LPAR2: variants seen among roughly 807,000 people sequenced by gnomAD.
LPAR2 encodes lysophosphatidic acid receptor 2, also known as G protein-coupled receptor.
A neutral mutation model predicts 15.6 loss-of-function variants in LPAR2; 10 were observed. That is an observed-to-expected ratio of 0.64 (90% CI 0.39 to 1.09). LPAR2 has a LOEUF of 1.09. LPAR2 is among the 50% of genes least tolerant of loss of function. The probability of loss-of-function intolerance (pLI) is 0.01; values close to 1 mark genes in which losing one functional copy is unlikely to be tolerated. For synonymous variants in LPAR2, 204 were observed against 207.4 expected (o/e 0.98, Z 0.14); for missense variants, 413 against 484.6 (o/e 0.85, Z 1.39).
At chr19:19,624,666 A>T (rs2061731444) in intron 2 of LPAR2, 97 bp from the exon 3 acceptor site, 1 of 975,426 alleles carries the variant, frequency 1.0e-6, no homozygotes. Flanking sequence ...GAGCTCGAGC[A>T]ATAGTGGTGA....
In LPAR2 at chr19:19,627,186, C is replaced by T; in HGVS notation, c.99G>A (p.Val33=). 6.2e-7 allele frequency: 1 copy of T among 1,613,158 alleles called. No homozygotes were observed. The highest frequency in any genetic ancestry group is 8.5e-7 in the Non-Finnish European group (1 of 1,180,018). The change falls in exon 2 of 3, where the codon GTG becomes GTA. Residue 33 remains valine, a synonymous_variant. Transcript: ENST00000407877. This position sits in a 1 kb window ranked among gnomAD's most constrained non-coding sequence, Gnocchi z 4.7. ...CGGTCAGCCCCAGTGCCACCACGAC[C>T]ACATCCTTGGGCCGCCAGTGGGAGC...
chr19:19,625,998 C>G (rs1327823346), intron 2 of LPAR2, among the ~76,000 whole-genome samples: 2 of 151,128 alleles, frequency 1.3e-5, no homozygotes, highest in Non-Finnish European at 2.9e-5. Flanking sequence ...ATTCTCCTGC[C>G]TCAGGCTCCC....
Position 19,626,690 on chromosome 19 carries a change from G to A in LPAR2, c.595C>T (p.Leu199Phe), listed in dbSNP as rs2061741942. 6.2e-7 allele frequency: 1 copy of A among 1,613,670 alleles called. No homozygotes were observed. Among genetic ancestry groups the A allele is most frequent in the South Asian group, 1.1e-5 (1 of 91,086 alleles). The change falls in exon 2 of 3, where the codon CTT (leucine) becomes TTT (phenylalanine). Residue 199 changes from leucine to phenylalanine, a missense_variant. Coordinates refer to ENST00000407877, the MANE Select transcript of LPAR2 (RefSeq NM_004720.7). The surrounding 1 kb of genome is among the most constrained non-coding windows in gnomAD (Gnocchi z 5.3). ...ACAGCCACCATGAGCAGGAAGACAAGCAGGCTCGACAGAGCCCAGACGGCC... is the reference window on the plus strand; with the variant it reads ...ACAGCCACCATGAGCAGGAAGACAAACAGGCTCGACAGAGCCCAGACGGCC...
rs781461179 is a variant in LPAR2 at position 19,624,526 on chromosome 19, G to T, written c.786C>A (p.Leu262=). 2 of 1,612,848 alleles carry T rather than the reference G, an allele frequency of 1.2e-6. No homozygotes were observed. The highest frequency in any genetic ancestry group is 8.5e-7 in the Non-Finnish European group (1 of 1,179,216). The change falls in exon 3 of 3, where the codon CTC becomes CTA. Residue 262 remains leucine (L), a synonymous_variant. Transcript: ENST00000407877. The stretch of plus-strand genomic sequence containing the variant: ...AGGACTCACAGCCTAAACCATCCAG[G>T]AGCAGTACCACCTGGCCTGGTGTCC...
chr19:19,627,387 A>C lies in LPAR2; in HGVS notation c.1-103T>G. 1 of 1,205,332 alleles carries C rather than the reference A, an allele frequency of 8.3e-7. No individual in the cohort carries two copies. The highest frequency in any genetic ancestry group is 1.2e-6 in the Non-Finnish European group (1 of 857,680). The allele number at this position is 1,205,332 out of a possible 1,614,324, so 74.7% of individuals were successfully genotyped here. On this transcript the variant is annotated intron_variant, in intron 1 of 2. Transcript: ENST00000407877. This position sits in a 1 kb window ranked among gnomAD's most constrained non-coding sequence, Gnocchi z 4.7. Reference sequence around the variant, plus strand: ...AGCGCAGGAAGGACAAGGGTCTCAAATTCAGATACCTCGAAGCAAAGTGGC... The same window carrying C: ...AGCGCAGGAAGGACAAGGGTCTCAACTTCAGATACCTCGAAGCAAAGTGGC...
rs369866036 is a variant in LPAR2, at chr19:19,624,103, G to C, written c.*153C>G. Reference sequence around the variant, plus strand: ...GCCCCCATTCCCTGGGCAGAGTGGTGTGCCTGGGGAGGCCTGGCAGTGGTG... The same window carrying C: ...GCCCCCATTCCCTGGGCAGAGTGGTCTGCCTGGGGAGGCCTGGCAGTGGTG... On this transcript the variant is annotated 3_prime_UTR_variant, in exon 3 of 3. Coordinates refer to ENST00000407877, the MANE Select transcript of LPAR2 (RefSeq NM_004720.7). 2.7e-6 allele frequency: 2 copies of C among 752,192 alleles called. No individual in the cohort carries two copies. The allele number at this position is 752,192 out of a possible 1,614,324, so 46.6% of individuals were successfully genotyped here.
Position 19,624,083 on chromosome 19 carries a change from C to T in LPAR2, c.*173G>A. 1.5e-6 allele frequency: 1 copy of T among 683,684 alleles called. No homozygotes were observed. Among genetic ancestry groups the T allele is most frequent in the East Asian group, 2.5e-5 (1 of 39,872 alleles). The allele number at this position is 683,684 out of a possible 1,614,324, so 42.4% of individuals were successfully genotyped here. A position where few individuals can be genotyped will look rare whatever the true frequency, so the allele number is the denominator to read the frequency against. Reference sequence around the variant, plus strand: ...GCAGTGGGAGATGACCCAAAGCCCCCATTCCCTGGGCAGAGTGGTGTGCCT... The same window carrying T: ...GCAGTGGGAGATGACCCAAAGCCCCTATTCCCTGGGCAGAGTGGTGTGCCT... On this transcript the variant is annotated 3_prime_UTR_variant, in exon 3 of 3. Coordinates refer to ENST00000407877, the MANE Select transcript of LPAR2 (RefSeq NM_004720.7).
Position 19,626,631 on chromosome 19 carries a change from T to C in LPAR2, c.654A>G (p.Arg218=). The change falls in exon 2 of 3, where the codon CGA becomes CGG. Residue 218 remains arginine (R), a synonymous_variant. Coordinates refer to ENST00000407877, the MANE Select transcript of LPAR2 (RefSeq NM_004720.7). The surrounding 1 kb of genome is among the most constrained non-coding windows in gnomAD (Gnocchi z 5.3). ...TGACATGCTCTGCCATGCGCTGCACTCGCCGCCGCACGTAGAAGAAAATGC... is the reference window on the plus strand; with the variant it reads ...TGACATGCTCTGCCATGCGCTGCACCCGCCGCCGCACGTAGAAGAAAATGC... 6.2e-7 allele frequency: 1 copy of C among 1,613,304 alleles called. No homozygotes were observed. Among genetic ancestry groups the C allele is most frequent in the Non-Finnish European group, 8.5e-7 (1 of 1,180,026 alleles).
intron 2 of LPAR2, 66 bp from the exon 3 acceptor site, chr19:19,624,635 T>C (rs2061731327): frequency 1.4e-6 from 2 of 1,414,408 alleles, no homozygotes; most frequent in Admixed American, 2.0e-5. Context: ...AGCTCTCAGT[T>C]TGGGGTTGGA....
rs566872153 is a variant in LPAR2, at chr19:19,627,984, G to A, written c.-1+108C>T. The A allele has an allele frequency of 2.0e-5, 3 of 152,842 alleles. No individual in the cohort carries two copies. The highest frequency in any genetic ancestry group is 4.8e-5 in the African/African-American group (2 of 41,588). 9.5% of individuals were successfully genotyped at this position (152,842 alleles called of 1,614,324 possible). A position where few individuals can be genotyped will look rare whatever the true frequency, so the allele number is the denominator to read the frequency against. ...GCGTCTCCAGACTGGGGAAGGGGTA[G>A]GGGGTTAAGGGATCAGAGGGCGGCG... On this transcript the variant is annotated intron_variant, in intron 1 of 2. Coordinates refer to ENST00000407877, the MANE Select transcript of LPAR2 (RefSeq NM_004720.7). The surrounding 1 kb of genome is among the most constrained non-coding windows in gnomAD (Gnocchi z 4.7).
intron 2 of LPAR2, 147 bp from the exon 3 acceptor site, chr19:19,624,716 A>G (rs2144814102): frequency 1.5e-6 from 1 of 656,210 alleles, no homozygotes; most frequent in East Asian, 2.7e-5. Context: ...CTGATTCTGC[A>G]GTGTGACAGG....
In LPAR2 at chr19:19,627,018, C is replaced by A. The variant is rs2061744538; in HGVS notation, c.267G>T (p.Met89Ile). The stretch of plus-strand genomic sequence containing the variant: ...GGGCTGTGCGGGGACCAGTGTGGAA[C>A]ATGAGGAAGAGGTAGGCCACGCCCG... Residue 89 changes from methionine to isoleucine, a missense_variant, in exon 2 of 3, where the codon ATG becomes ATT. By Grantham distance (10) the Met-to-Ile change is conservative. Transcript: ENST00000407877. This position sits in a 1 kb window ranked among gnomAD's most constrained non-coding sequence, Gnocchi z 4.7. 1 of 1,613,706 alleles carries A rather than the reference C, an allele frequency of 6.2e-7. No individual in the cohort carries two copies. Among genetic ancestry groups the A allele is most frequent in the Admixed American group, 1.7e-5 (1 of 59,988 alleles).
chr19:19,627,622 G>A lies in LPAR2; in HGVS notation c.1-338C>T. On this transcript the variant is annotated intron_variant, in intron 1 of 2. Transcript: ENST00000407877. The surrounding 1 kb of genome is among the most constrained non-coding windows in gnomAD (Gnocchi z 4.7). ...ATGTGTGACCCGGTTTGGGTTGTGG[G>A]GAGAGGAGGGTTAGGGAAAGACAAA... The A allele has an allele frequency of 3.0e-6, 1 of 330,228 alleles. No individual in the cohort carries two copies. Among genetic ancestry groups the A allele is most frequent in the Non-Finnish European group, 5.8e-6 (1 of 173,246 alleles). 20.5% of individuals were successfully genotyped at this position (330,228 alleles called of 1,614,324 possible).
chr19:19,624,828 TGTGTGA>T (rs939660545), intron 2 of LPAR2, among the ~76,000 whole-genome samples: 15 of 131,116 alleles, frequency 1.1e-4, no homozygotes, highest in African/African-American at 1.6e-4. Flanking sequence ...TGTGTGTGTG[TGTGTGA>T]GATGGAGTCT....
rs773232863 is a variant in LPAR2, at chr19:19,626,910, G to A, written c.375C>T (p.Ile125=). Residue 125 remains isoleucine, a synonymous_variant, in exon 2 of 3, where the codon ATC becomes ATT. Transcript: ENST00000407877. The surrounding 1 kb of genome is among the most constrained non-coding windows in gnomAD (Gnocchi z 5.3). ...TCACACTGCGGTGCCGCTCCACGGC[G>A]ATGGCCAGCAGTGTGGCCACCGACG... 2.5e-6 allele frequency: 4 copies of A among 1,602,910 alleles called. No individual in the cohort carries two copies. Among genetic ancestry groups the A allele is most frequent in the East Asian group, 2.3e-5 (1 of 44,070 alleles).
In LPAR2 at chr19:19,624,516, A is replaced by C. The variant is rs751863453; in HGVS notation, c.796T>G (p.Leu266Val). The C allele has an allele frequency of 1.2e-6, 2 of 1,613,748 alleles. No individual in the cohort carries two copies. Among genetic ancestry groups the C allele is most frequent in the Admixed American group, 3.3e-5 (2 of 60,006 alleles). ...AGGACATTGCAGGACTCACAGCCTA[A>C]ACCATCCAGGAGCAGTACCACCTGG... The change falls in exon 3 of 3, where the codon TTA becomes GTA. Residue 266 changes from leucine to valine, a missense_variant. Physicochemically the swap from Leu to Val is conservative, Grantham distance 32. Coordinates refer to ENST00000407877, the MANE Select transcript of LPAR2 (RefSeq NM_004720.7).
At position 19,624,425 on chromosome 19, in the gene LPAR2, G is replaced by C; in HGVS notation, c.887C>G (p.Ser296Cys). 1.2e-6 allele frequency: 2 copies of C among 1,614,194 alleles called. No homozygotes were observed. The highest frequency in any genetic ancestry group is 1.7e-6 in the Non-Finnish European group (2 of 1,180,038). Residue 296 changes from serine (S) to cysteine (C), a missense_variant, in exon 3 of 3, where the codon TCT becomes TGT. Ser to Cys is a moderately radical substitution (Grantham distance 112). Transcript: ENST00000407877. ...GCGGCGCATCTCAGCATCTCGGCAA[G>C]AGTACACAGCAGCATTGACCAGGGA... is the stretch of plus-strand genomic sequence containing the variant.
Position 19,626,700 on chromosome 19 carries a change from C to T in LPAR2, c.585G>A (p.Leu195=). The T allele has an allele frequency of 1.2e-6, 2 of 1,613,668 alleles. No individual in the cohort carries two copies. The highest frequency in any genetic ancestry group is 2.2e-5 in the East Asian group (1 of 44,878). The change falls in exon 2 of 3, where the codon CTG becomes CTA. Residue 195 remains leucine, a synonymous_variant. Transcript: ENST00000407877. The surrounding 1 kb of genome is among the most constrained non-coding windows in gnomAD (Gnocchi z 5.3). Reference sequence around the variant, plus strand: ...TGAGCAGGAAGACAAGCAGGCTCGACAGAGCCCAGACGGCCAAATAGGAGC... The same window carrying T: ...TGAGCAGGAAGACAAGCAGGCTCGATAGAGCCCAGACGGCCAAATAGGAGC...
At position 19,626,412 on chromosome 19, in the gene LPAR2, G is replaced by A. The variant is rs2061739984; in HGVS notation, c.742+131C>T. ...GCTCACATACATTATCACCTCCTTG[G>A]AGGACATTCCCCACCTAAATCATCC... On this transcript the variant is annotated intron_variant, in intron 2 of 2. Transcript: ENST00000407877. This position sits in a 1 kb window ranked among gnomAD's most constrained non-coding sequence, Gnocchi z 5.3. The A allele has an allele frequency of 1.7e-6, 2 of 1,164,070 alleles. No homozygotes were observed. Among genetic ancestry groups the A allele is most frequent in the Non-Finnish European group, 2.5e-6 (2 of 814,830 alleles). The allele number at this position is 1,164,070 out of a possible 1,614,324, so 72.1% of individuals were successfully genotyped here.
Sources: gnomAD v4.1 joint callset for allele counts (sites outside exome capture counted in the v4.1 genomes callset) on GRCh38, gnomAD v4.1.1 for gene constraint, Gnocchi (gnomAD v3.1) non-coding constraint, MANE v1.5 for transcripts, NCBI Gene and HGNC (gene_info 2026-07-23, HGNC 2026-07-21) for gene names.